The following GPC6 variants were observed in gnomAD, a reference collection of about 807,000 sequenced individuals.
The protein encoded by GPC6 is glypican-6.
Under a neutral mutation model 55.2 loss-of-function variants are expected in GPC6, and 14 were observed. That is an observed-to-expected ratio of 0.25 (90% confidence interval 0.17 to 0.40). GPC6 has a LOEUF of 0.40. Ranked by LOEUF, GPC6 falls within the 10% of genes least tolerant of loss-of-function variation. GPC6 has a pLI of 1.00. For synonymous variants in GPC6, 278 were observed against 259.6 expected (o/e 1.07, Z -0.68); for missense variants, 641 against 708.5 (o/e 0.90, Z 1.08).
chr13:94,215,348 C>T (rs1006520174), intron 4 of GPC6, among the ~76,000 whole-genome samples: 7 of 152,128 alleles, frequency 4.6e-5, no homozygotes, highest in African/African-American at 1.4e-4. Flanking sequence ...TTGTCATGGG[C>T]TTTATCTGTC....
chr13:93,590,375 G>A (rs1188641669), intron 2 of GPC6, among the ~76,000 whole-genome samples: 1 of 151,938 alleles, frequency 6.6e-6, no homozygotes, highest in African/African-American at 2.4e-5. Flanking sequence ...TTTAAATATG[G>A]TTCTCTTTTG....
At chr13:93,393,286 C>T (rs1875716818) in intron 1 of GPC6, among the ~76,000 whole-genome samples, 1 of 151,470 alleles carries the variant, frequency 6.6e-6, no homozygotes, top group African/African-American at 2.4e-5. Flanking sequence ...TTACACGCGC[C>T]CACCACCACA....
chr13:93,285,792 A>G (rs9584101), intron 1 of GPC6, among the ~76,000 whole-genome samples: 18,042 of 152,114 alleles, frequency 0.12, 1,334 homozygotes, highest in East Asian at 0.37. Flanking sequence ...TATAGGAACA[A>G]AATTGCTGCT....
chr13:94,269,448 C>T (rs1205476098), intron 4 of GPC6, among the ~76,000 whole-genome samples: 1 of 152,092 alleles, frequency 6.6e-6, no homozygotes, highest in Non-Finnish European at 1.5e-5. Context: ...TTTGCTTTAA[C>T]ATTATTTTGA....
At chr13:93,632,690 G>A (rs926045608) in intron 2 of GPC6, among the ~76,000 whole-genome samples, 1 of 149,534 alleles carries the variant, frequency 6.7e-6, no homozygotes, top group African/African-American at 2.4e-5. Context: ...GTGCATATAT[G>A]CACATATATG....
At chr13:94,160,069 T>C (rs1053312070) in intron 4 of GPC6, among the ~76,000 whole-genome samples, 1 of 152,208 alleles carries the variant, frequency 6.6e-6, no homozygotes, top group Non-Finnish European at 1.5e-5. Flanking sequence ...CAGTTTCTTA[T>C]AGCCAATCAT....
intron 4 of GPC6, among the ~76,000 whole-genome samples, chr13:94,097,865 A>T (rs961747278): frequency 1.3e-5 from 2 of 152,218 alleles, no homozygotes; most frequent in Non-Finnish European, 2.9e-5. Flanking sequence ...AGTGTCACAG[A>T]CCTATTGACT....
rs930142114 is a variant in GPC6 at position 93,938,669 on chromosome 13, A to G, written c.712-89060A>G. Among the ~76,000 whole-genome samples, 31 of 152,212 alleles carry G rather than the reference A, an allele frequency of 2.0e-4. 1 individual carries two copies. Among genetic ancestry groups the G allele is most frequent in the African/African-American group, 7.2e-4 (30 of 41,450 alleles). On this transcript the variant is annotated intron_variant, in intron 3 of 8. Coordinates refer to ENST00000377047, the MANE Select transcript of GPC6 (RefSeq NM_005708.5). Reference sequence around the variant, plus strand: ...GTTCTAAGAGCTTTTGGAGGTTATAAAGGTGACAGATTCTAAATTAGAAGC... The same window carrying G: ...GTTCTAAGAGCTTTTGGAGGTTATAGAGGTGACAGATTCTAAATTAGAAGC...
At chr13:93,870,074 T>G (rs1270261453) in intron 3 of GPC6, among the ~76,000 whole-genome samples, 1 of 151,854 alleles carries the variant, frequency 6.6e-6, no homozygotes, top group East Asian at 2.0e-4. Flanking sequence ...TTTGAATCCT[T>G]AACTGCCTCC....
At chr13:93,818,952 C>T (rs1886953731) in intron 2 of GPC6, among the ~76,000 whole-genome samples, 1 of 152,120 alleles carries the variant, frequency 6.6e-6, no homozygotes, top group Non-Finnish European at 1.5e-5. Context: ...CAGTGATTCT[C>T]AATCTTGGCT....
intron 4 of GPC6, among the ~76,000 whole-genome samples, chr13:94,071,391 CA>C (rs1300932588): frequency 2.6e-5 from 4 of 152,076 alleles, no homozygotes; most frequent in African/African-American, 9.7e-5. Flanking sequence ...TTAACTAATC[CA>C]AATTGGCCAT....
At chr13:93,303,085 T>G (rs1878736652) in intron 1 of GPC6, among the ~76,000 whole-genome samples, 1 of 152,220 alleles carries the variant, frequency 6.6e-6, no homozygotes, top group African/African-American at 2.4e-5. Context: ...AACCATAGAC[T>G]GTTAAATAAG....
At chr13:93,452,510 G>A (rs1487472352) in intron 1 of GPC6, among the ~76,000 whole-genome samples, 2 of 151,952 alleles carry the variant, frequency 1.3e-5, no homozygotes, top group East Asian at 1.9e-4. Flanking sequence ...ATATTTACAT[G>A]ACGGTCATAA....
intron 1 of GPC6, among the ~76,000 whole-genome samples, chr13:93,505,950 C>T (rs935811834): frequency 1.3e-5 from 2 of 152,136 alleles, no homozygotes; most frequent in Non-Finnish European, 2.9e-5. Flanking sequence ...AAAATAGACT[C>T]GTTATTCCCA....
intron 1 of GPC6, among the ~76,000 whole-genome samples, chr13:93,402,832 A>G (rs1566338370): frequency 6.6e-6 from 1 of 152,182 alleles, no homozygotes; most frequent in African/African-American, 2.4e-5. Flanking sequence ...CCAATGTAAT[A>G]TAAATAGATA....
intron 3 of GPC6, among the ~76,000 whole-genome samples, chr13:93,976,542 T>C (rs1177706271): frequency 6.6e-6 from 1 of 151,574 alleles, no homozygotes; most frequent in African/African-American, 2.4e-5. Flanking sequence ...TAAAGGGATG[T>C]TACAGCTGCG....
At chr13:93,960,279 T>A (rs1284777174) in intron 3 of GPC6, among the ~76,000 whole-genome samples, 1 of 152,230 alleles carries the variant, frequency 6.6e-6, no homozygotes, top group Non-Finnish European at 1.5e-5. Context: ...ACTTAATTAC[T>A]GATTTGAGCA....
At chr13:93,678,232 A>G (rs1881720389) in intron 2 of GPC6, among the ~76,000 whole-genome samples, 1 of 152,160 alleles carries the variant, frequency 6.6e-6, no homozygotes, top group Non-Finnish European at 1.5e-5. Context: ...TATCTCTTAG[A>G]GAACTTTGCA....
chr13:93,440,926 T>C (rs1877772271), intron 1 of GPC6, among the ~76,000 whole-genome samples: 1 of 149,556 alleles, frequency 6.7e-6, no homozygotes. Context: ...TTCCCACCTA[T>C]GAGTGAGAAC....
Sources: allele counts gnomAD v4.1 joint callset (sites outside exome capture counted in the v4.1 genomes callset), GRCh38; gene constraint gnomAD v4.1.1; transcripts MANE v1.5; gene names NCBI Gene and HGNC (gene_info 2026-07-23, HGNC 2026-07-21).